The following RHBDD1 variants were observed in gnomAD, a reference collection of about 807,000 sequenced individuals.
RHBDD1 encodes rhomboid domain containing 1.
A neutral mutation model predicts 36.3 loss-of-function variants in RHBDD1; 38 were observed. The ratio of observed to expected loss-of-function variants is 1.05; its 90% CI spans 0.81 to 1.37. The LOEUF (loss-of-function observed/expected upper bound fraction) is 1.37. Ranked by LOEUF, RHBDD1 falls within the 40% of genes most tolerant of loss-of-function variation. RHBDD1 has a pLI of 0.00. For synonymous variants in RHBDD1, 151 were observed against 136.5 expected, an observed-to-expected ratio of 1.11 and a Z score of -0.74; for missense variants, 393 against 377.6, an observed-to-expected ratio of 1.04 and a Z score of -0.34.
intron 5 of RHBDD1, among the ~76,000 whole-genome samples, chr2:226,902,151 G>A (rs774350385): frequency 2.0e-5 from 3 of 152,186 alleles, no homozygotes; most frequent in Non-Finnish European, 4.4e-5. Flanking sequence ...ATGCTGCTTC[G>A]GATGGCATCT....
intron 8 of RHBDD1, among the ~76,000 whole-genome samples, chr2:226,930,520 C>T (rs1313076249): frequency 6.6e-6 from 1 of 151,936 alleles, no homozygotes; most frequent in Non-Finnish European, 1.5e-5. Context: ...AATCTTAAGA[C>T]CTGAAACCAT....
intron 7 of RHBDD1, among the ~76,000 whole-genome samples, chr2:226,913,636 G>A (rs1264272271): frequency 6.2e-4 from 94 of 151,612 alleles, no homozygotes; most frequent in East Asian, 3.9e-4. Context: ...TTTTGAAGTC[G>A]TCTCTTCTTT....
chr2:226,957,326 C>T (rs1340541381), intron 8 of RHBDD1, among the ~76,000 whole-genome samples: 1 of 152,118 alleles, frequency 6.6e-6, no homozygotes, highest in African/African-American at 2.4e-5. Context: ...ATCTTCATGA[C>T]CTTGGATTAG....
intron 8 of RHBDD1, among the ~76,000 whole-genome samples, chr2:226,973,774 T>C (rs1310171850): frequency 3.3e-5 from 5 of 152,226 alleles, no homozygotes; most frequent in African/African-American, 1.2e-4. Context: ...CCTCCTTCAC[T>C]AGCAGAAGTG....
At chr2:226,986,560 G>A (rs1415188110) in intron 8 of RHBDD1, among the ~76,000 whole-genome samples, 1 of 152,140 alleles carries the variant, frequency 6.6e-6, no homozygotes, top group Non-Finnish European at 1.5e-5. Flanking sequence ...CATTTATGTG[G>A]CCAAGAAGCA....
At chr2:226,852,172 T>A (rs2125090326) in intron 3 of RHBDD1, among the ~76,000 whole-genome samples, 1 of 152,312 alleles carries the variant, frequency 6.6e-6, no homozygotes, top group African/African-American at 2.4e-5. Context: ...GACAGTTTCT[T>A]TTGGTGATTG....
chr2:226,877,608 G>A (rs1180185908), intron 5 of RHBDD1, among the ~76,000 whole-genome samples: 2 of 148,886 alleles, frequency 1.3e-5, no homozygotes, highest in Non-Finnish European at 3.0e-5. Context: ...AGTAAACATG[G>A]CAGGGGAAAG....
At chr2:226,936,270 C>G (rs1950325074) in intron 8 of RHBDD1, among the ~76,000 whole-genome samples, 1 of 151,996 alleles carries the variant, frequency 6.6e-6, no homozygotes, top group Non-Finnish European at 1.5e-5. Flanking sequence ...GTGCTTATAT[C>G]TAGATTGTGG....
chr2:226,932,446 A>G (rs554231731), intron 8 of RHBDD1, among the ~76,000 whole-genome samples: 28 of 152,268 alleles, frequency 1.8e-4, no homozygotes, highest in African/African-American at 6.5e-4. Context: ...AATACTGAAT[A>G]CCTATTGTTG....
At position 226,997,587 on chromosome 2, in the gene RHBDD1, G is replaced by GTAT. The variant is rs1959744207; in HGVS notation, c.*2068_*2070dup. 6.6e-6 allele frequency: 1 copy of GTAT among 152,078 alleles called. No homozygotes were observed. The highest frequency in any genetic ancestry group is 2.4e-5 in the African/African-American group (1 of 41,398). The allele number at this position is 152,078 out of a possible 1,614,324, so 9.4% of individuals were successfully genotyped here. A position where few individuals can be genotyped will look rare whatever the true frequency, so the allele number is the denominator to read the frequency against. ...GTTTCACCAAAGTATTTTTTCCATT[G>GTAT]TATTAAGAGTCCAGTCACTGTATAT... On this transcript the variant is annotated 3_prime_UTR_variant, in exon 9 of 9. Transcript: ENST00000392062.
chr2:226,972,942 A>AAC (rs1553594894), intron 8 of RHBDD1, among the ~76,000 whole-genome samples: 4 of 151,778 alleles, frequency 2.6e-5, no homozygotes, highest in African/African-American at 9.7e-5. Flanking sequence ...AAAAAAAAAA[A>AAC]AAACAAAAAA....
At chr2:226,994,609 C>T (rs569127711) in intron 8 of RHBDD1, among the ~76,000 whole-genome samples, 1 of 152,258 alleles carries the variant, frequency 6.6e-6, no homozygotes, top group South Asian at 2.1e-4. Flanking sequence ...TCTACTTACC[C>T]GTATCTATCA....
chr2:226,953,140 C>T (rs776358090), intron 8 of RHBDD1, among the ~76,000 whole-genome samples: 9 of 152,196 alleles, frequency 5.9e-5, no homozygotes, highest in Non-Finnish European at 1.0e-4. Context: ...TAACACAATA[C>T]GGTGAATTTT....
At chr2:226,935,413 A>G (rs931838837) in intron 8 of RHBDD1, 1 of 152,112 alleles carries the variant, frequency 6.6e-6, no homozygotes, top group African/African-American at 2.4e-5. Flanking sequence ...CTTTTTTCTG[A>G]TGCAACATCA....
chr2:226,942,938 T>C (rs1297655264), intron 8 of RHBDD1, among the ~76,000 whole-genome samples: 1 of 152,230 alleles, frequency 6.6e-6, no homozygotes, highest in Non-Finnish European at 1.5e-5. Context: ...GTGGGAATTA[T>C]TCACATGAGA....
intron 8 of RHBDD1, among the ~76,000 whole-genome samples, chr2:226,969,300 G>A (rs182383744): frequency 5.3e-5 from 8 of 151,400 alleles, no homozygotes; most frequent in African/African-American, 1.9e-4. Flanking sequence ...GTTCCTAATG[G>A]GCTAAAAGAA....
At chr2:226,974,073 G>A (rs548160350) in intron 8 of RHBDD1, among the ~76,000 whole-genome samples, 1 of 152,056 alleles carries the variant, frequency 6.6e-6, no homozygotes, top group Non-Finnish European at 1.5e-5. Flanking sequence ...GCCGGCGTTT[G>A]TCTCACCTGC....
intron 3 of RHBDD1, among the ~76,000 whole-genome samples, chr2:226,852,597 A>C (rs1421739521): frequency 6.6e-6 from 1 of 152,126 alleles, no homozygotes; most frequent in African/African-American, 2.4e-5. Flanking sequence ...CTGATGTCAC[A>C]CTTCCAGCCT....
intron 8 of RHBDD1, among the ~76,000 whole-genome samples, chr2:226,948,581 A>T (rs1267084848): frequency 0.016 from 2,038 of 124,200 alleles, 50 homozygotes; most frequent in African/African-American, 0.061. Flanking sequence ...AAAAAAAAAA[A>T]AAAACGAAAA....
Sources: gnomAD v4.1 joint callset for allele counts (sites outside exome capture counted in the v4.1 genomes callset) on GRCh38, gnomAD v4.1.1 for gene constraint, MANE v1.5 for transcripts, NCBI Gene and HGNC (gene_info 2026-07-23, HGNC 2026-07-21) for gene names.